The following OPCML variants were observed in gnomAD, a reference collection of about 807,000 sequenced individuals.
The protein encoded by OPCML is opioid binding protein/cell adhesion molecule like, also known as opioid-binding protein/cell adhesion molecule.
A neutral mutation model predicts 37.8 loss-of-function variants in OPCML; 13 were observed. The observed-to-expected ratio is 0.34, with a 90% CI of 0.22 to 0.55. The LOEUF (loss-of-function observed/expected upper bound fraction) is 0.55. Ranked by LOEUF, OPCML falls within the 20% of genes least tolerant of loss-of-function variation. The pLI is 0.91. For synonymous variants in OPCML, 176 were observed against 168.8 expected, an observed-to-expected ratio of 1.04 and a Z score of -0.33; for missense variants, 341 against 435.6, an observed-to-expected ratio of 0.78 and a Z score of 1.93.
intron 1 of OPCML, among the ~76,000 whole-genome samples, chr11:133,414,012 A>C (rs1945707257): frequency 6.6e-6 from 1 of 152,164 alleles, no homozygotes; most frequent in Non-Finnish European, 1.5e-5. Flanking sequence ...GGCTACTTCC[A>C]TATGTGTGTG....
intron 3 of OPCML, among the ~76,000 whole-genome samples, chr11:132,612,649 C>T (rs1053363928): frequency 6.6e-6 from 1 of 152,108 alleles, no homozygotes; most frequent in Non-Finnish European, 1.5e-5. Flanking sequence ...GTGGTCACAA[C>T]CTAAGCAGAG....
chr11:132,693,901 T>C (rs539829412), intron 2 of OPCML, among the ~76,000 whole-genome samples: 11 of 152,236 alleles, frequency 7.2e-5, no homozygotes, highest in African/African-American at 2.6e-4. Flanking sequence ...GGTTTCAGTA[T>C]GAAAATAGGA....
chr11:133,223,010 C>G (rs1320185699), intron 1 of OPCML, among the ~76,000 whole-genome samples: 1 of 152,208 alleles, frequency 6.6e-6, no homozygotes, highest in African/African-American at 2.4e-5. Flanking sequence ...CTCCTTAGAA[C>G]TACAACCATG....
At chr11:132,968,913 G>T (rs1440194426) in intron 1 of OPCML, among the ~76,000 whole-genome samples, 1 of 152,122 alleles carries the variant, frequency 6.6e-6, no homozygotes, top group African/African-American at 2.4e-5. Flanking sequence ...AAAAGGAGTG[G>T]TGAGAGAGGA....
At chr11:132,937,598 GTGTGTGTGTGTGTGTGT>G (rs1945432189) in intron 2 of OPCML, among the ~76,000 whole-genome samples, 2 of 87,696 alleles carry the variant, frequency 2.3e-5, no homozygotes, top group Admixed American at 1.1e-4. Flanking sequence ...TGTGTGGGGT[GTGTGTGTGTGTGTGTGT>G]GTGTGTGTGT....
In OPCML at chr11:133,451,024, T is replaced by G. The variant is rs1276100819; in HGVS notation, c.61+81240A>C. Among the ~76,000 whole-genome samples, 9 of 151,926 alleles carry G rather than the reference T, an allele frequency of 5.9e-5. No homozygotes were observed. The South Asian group carries it at 1.9e-3, about 31-fold the overall frequency. ...CTATGTAATCAACACATATGTTATATAACATTTTCTCCCATTTTTATATTG... is the reference window on the plus strand; with the variant it reads ...CTATGTAATCAACACATATGTTATAGAACATTTTCTCCCATTTTTATATTG... On this transcript the variant is annotated intron_variant, in intron 1 of 7. Coordinates refer to ENST00000524381, the MANE Select transcript of OPCML (RefSeq NM_001012393.5).
At chr11:132,521,983 T>A (rs2508976) in intron 4 of OPCML, among the ~76,000 whole-genome samples, 59,692 of 152,012 alleles carry the variant, frequency 0.39, 14,274 homozygotes, top group Non-Finnish European at 0.54. Flanking sequence ...TCTGCTTCCC[T>A]TTCCTTTTGC....
intron 1 of OPCML, among the ~76,000 whole-genome samples, chr11:133,243,029 G>A (rs1465474611): frequency 1.3e-5 from 2 of 152,150 alleles, no homozygotes; most frequent in Non-Finnish European, 1.5e-5. Flanking sequence ...TCTTTCCCTG[G>A]ACTGTCTTTG....
intron 3 of OPCML, among the ~76,000 whole-genome samples, chr11:132,636,046 G>A (rs1389844998): frequency 6.6e-6 from 1 of 152,208 alleles, no homozygotes; most frequent in Non-Finnish European, 1.5e-5. Context: ...AATTGGGCAT[G>A]TGCTTCCATA....
intron 3 of OPCML, among the ~76,000 whole-genome samples, chr11:132,626,418 G>T (rs147813537): frequency 6.6e-6 from 1 of 152,014 alleles, no homozygotes; most frequent in African/African-American, 2.4e-5. Flanking sequence ...AGGAATAAAT[G>T]CAAAGATAGG....
chr11:132,950,521 T>C (rs1389883010), intron 1 of OPCML, among the ~76,000 whole-genome samples: 6 of 152,216 alleles, frequency 3.9e-5, no homozygotes, highest in African/African-American at 1.4e-4. Flanking sequence ...CTATCACCTC[T>C]ATGAGACAGT....
At chr11:132,940,478 G>T (rs1320358568) in intron 2 of OPCML, among the ~76,000 whole-genome samples, 1 of 152,184 alleles carries the variant, frequency 6.6e-6, no homozygotes, top group Non-Finnish European at 1.5e-5. Flanking sequence ...GGAGGCAAAA[G>T]AGTAAGAAAC....
chr11:132,915,344 A>G (rs1030617686), intron 2 of OPCML, among the ~76,000 whole-genome samples: 4 of 152,202 alleles, frequency 2.6e-5, no homozygotes, highest in African/African-American at 9.6e-5. Flanking sequence ...CACATGTGCT[A>G]TGATACCTCA....
chr11:132,502,963 A>G (rs941688536), intron 4 of OPCML, among the ~76,000 whole-genome samples: 1 of 152,192 alleles, frequency 6.6e-6, no homozygotes, highest in Non-Finnish European at 1.5e-5. Context: ...CAATATTCAC[A>G]GGAGTTCAGG....
intron 3 of OPCML, among the ~76,000 whole-genome samples, chr11:132,546,008 T>G (rs1565653143): frequency 6.6e-6 from 1 of 152,234 alleles, no homozygotes; most frequent in Non-Finnish European, 1.5e-5. Flanking sequence ...TTACCATTGT[T>G]CCAATCCACT....
intron 1 of OPCML, among the ~76,000 whole-genome samples, chr11:133,215,743 T>C (rs1939557607): frequency 6.6e-6 from 1 of 152,074 alleles, no homozygotes; most frequent in Non-Finnish European, 1.5e-5. Context: ...GCTGTACAAG[T>C]GTGGGAAGGG....
chr11:132,979,084 G>A (rs913766173), intron 1 of OPCML, among the ~76,000 whole-genome samples: 2 of 151,892 alleles, frequency 1.3e-5, no homozygotes, highest in African/African-American at 4.8e-5. Context: ...TCTCATACCC[G>A]GCCCATCAAC....
chr11:132,588,584 T>C (rs759107104), intron 3 of OPCML, among the ~76,000 whole-genome samples: 46 of 152,158 alleles, frequency 3.0e-4, no homozygotes, highest in Admixed American at 6.5e-4. Flanking sequence ...CAGCCCCTTC[T>C]TTAGGGATGA....
At chr11:132,928,535 A>C (rs1945077479) in intron 2 of OPCML, among the ~76,000 whole-genome samples, 2 of 151,994 alleles carry the variant, frequency 1.3e-5, no homozygotes, top group African/African-American at 4.8e-5. Context: ...AGACATTAGC[A>C]CTCCACTTTC....
Sources: gnomAD v4.1 joint callset for allele counts (sites outside exome capture counted in the v4.1 genomes callset) on GRCh38, gnomAD v4.1.1 for gene constraint, MANE v1.5 for transcripts, NCBI Gene and HGNC (gene_info 2026-07-23, HGNC 2026-07-21) for gene names.